The following PASD1 variants were observed in gnomAD, a reference collection of about 807,000 sequenced individuals.
The protein encoded by PASD1 is PAS domain containing repressor 1, also known as circadian clock protein PASD1.
In PASD1, 13 loss-of-function variants were observed where a neutral mutation model predicts 58.8. The ratio of observed to expected loss-of-function variants is 0.22; its 90% CI spans 0.14 to 0.35. PASD1 has a LOEUF of 0.35. Ranked by LOEUF, PASD1 falls within the 10% of genes least tolerant of loss-of-function variation. PASD1 has a pLI of 1.00. For missense variants in PASD1, 734 were observed against 568.3 expected, an observed-to-expected ratio of 1.29 and a Z score of -2.96; for synonymous variants, 236 against 216.7, an observed-to-expected ratio of 1.09 and a Z score of -0.78.
In PASD1 at chrX:151,621,479, T is replaced by C. The variant is rs1464254411; in HGVS notation, c.308-3T>C. 5 of 1,170,703 alleles carry C rather than the reference T, an allele frequency of 4.3e-6. No homozygotes were observed. Among genetic ancestry groups the C allele is most frequent in the Non-Finnish European group, 5.8e-6 (5 of 863,722 alleles). The stretch of plus-strand genomic sequence containing the variant: ...TGTTTTGTATTTCTTCTCTTTTTAC[T>C]AGAAACACATATTGAATTTTGCTGT... On this transcript the variant is annotated splice_polypyrimidine_tract_variant and splice_region_variant and intron_variant, in intron 5 of 15. Coordinates refer to ENST00000370357, the MANE Select transcript of PASD1 (RefSeq NM_173493.3).
chrX:151,643,136 T>A (rs1273825248), intron 8 of PASD1, among the ~76,000 whole-genome samples: 1 of 112,462 alleles, frequency 8.9e-6, no homozygotes, highest in Non-Finnish European at 1.9e-5. Context: ...TATATTTGGA[T>A]AATTTGACAG....
chrX:151,663,182 A>G (rs2014332378), intron 10 of PASD1, among the ~76,000 whole-genome samples: 1 of 111,600 alleles, frequency 9.0e-6, no homozygotes, highest in Middle Eastern at 4.2e-3. Flanking sequence ...CACCCCCAAA[A>G]TTCCTTTGTG....
chrX:151,646,828 A>G (rs1006626259), intron 8 of PASD1, among the ~76,000 whole-genome samples: 3 of 112,820 alleles, frequency 2.7e-5, no homozygotes, highest in African/African-American at 6.4e-5. Context: ...CATTAAGCAC[A>G]TAGTAATTGC....
At chrX:151,586,185 T>G (rs2013161396) in intron 1 of PASD1, among the ~76,000 whole-genome samples, 2 of 112,085 alleles carry the variant, frequency 1.8e-5, no homozygotes, top group South Asian at 7.5e-4. Context: ...TTAGGTGGTG[T>G]TGTCCAGAGA....
At chrX:151,647,532 TTTAA>T (rs1261755906) in intron 8 of PASD1, among the ~76,000 whole-genome samples, 2 of 109,170 alleles carry the variant, frequency 1.8e-5, no homozygotes, top group Non-Finnish European at 3.8e-5. Flanking sequence ...AATAAATATA[TTTAA>T]TTAAATATAT....
At chrX:151,616,201 C>T (rs1429328222) in intron 4 of PASD1, among the ~76,000 whole-genome samples, 1 of 111,538 alleles carries the variant, frequency 9.0e-6, no homozygotes, top group Non-Finnish European at 1.9e-5. Context: ...TTATCAGAAT[C>T]GCTTTGGCTG....
intron 11 of PASD1, among the ~76,000 whole-genome samples, chrX:151,666,987 T>A (rs1410740239): frequency 3.6e-5 from 4 of 109,676 alleles, no homozygotes; most frequent in African/African-American, 1.3e-4. Context: ...TTGAACTAGT[T>A]TACAGTCCCA....
Position 151,655,825 on chromosome X carries a change from G to C in PASD1, c.718-3888G>C, listed in dbSNP as rs372069461. ...AGGTTGCCTGTTCACTCTGACGGTA[G>C]TTTCTTTTGCTGTGCAGAAGCTCTT... is the stretch of plus-strand genomic sequence containing the variant. On this transcript the variant is annotated intron_variant, in intron 9 of 15. Coordinates refer to ENST00000370357, the MANE Select transcript of PASD1 (RefSeq NM_173493.3). 7.1e-5 allele frequency among the ~76,000 whole-genome samples: 8 copies of C among 112,018 alleles called. No individual in the cohort carries two copies. In the East Asian group the frequency reaches 1.7e-3, roughly 24 times the overall value.
At chrX:151,571,979 CTT>C (rs944088448) in intron 1 of PASD1, among the ~76,000 whole-genome samples, 2 of 110,973 alleles carry the variant, frequency 1.8e-5, no homozygotes, top group African/African-American at 6.6e-5. Flanking sequence ...TGCATCACCT[CTT>C]TTAAAATTAG....
chrX:151,595,750 CAT>C (rs778339003), intron 1 of PASD1, among the ~76,000 whole-genome samples: 136 of 110,387 alleles, frequency 1.2e-3, no homozygotes, highest in African/African-American at 4.0e-3. Flanking sequence ...AAACAAAAAA[CAT>C]GTGTGCAGAT....
At chrX:151,611,529 G>T in intron 3 of PASD1, 135 bp from the exon 4 acceptor site, 1 of 410,104 alleles carries the variant, frequency 2.4e-6, no homozygotes, top group South Asian at 5.1e-5. Context: ...AATTAAGTCT[G>T]TGCCTACTTT....
chrX:151,580,496 ATTTCTTTT>A (rs1218479274), intron 1 of PASD1, among the ~76,000 whole-genome samples: 1 of 81,903 alleles, frequency 1.2e-5, no homozygotes, highest in Non-Finnish European at 2.3e-5. Flanking sequence ...CCTTTACATC[ATTTCTTTT>A]TTTCTTTTTT....
chrX:151,629,117 TATTTTTA>T (rs1459351138), intron 8 of PASD1, among the ~76,000 whole-genome samples: 1 of 111,122 alleles, frequency 9.0e-6, no homozygotes, highest in African/African-American at 3.3e-5. Flanking sequence ...AGTCTCAGGA[TATTTTTA>T]TTTTTTATTT....
chrX:151,671,171 T>G lies in PASD1; in HGVS notation c.1205T>G (p.Leu402Trp). 1.7e-6 allele frequency: 2 copies of G among 1,211,291 alleles called. No homozygotes were observed. The highest frequency in any genetic ancestry group is 2.2e-6 in the Non-Finnish European group (2 of 895,355). The part of the protein sequence containing the change: ...HDAIQNQQNA[L>W]ELMMDHLQKQ... ...GCCATCCAAAACCAGCAGAATGCAT[T>G]GGAATTGATGATGGATCACCTTCAG... The change falls in exon 12 of 16, where the codon TTG becomes TGG. Residue 402 changes from leucine to tryptophan, a missense_variant. Physicochemically the swap from Leu to Trp is moderately conservative, Grantham distance 61. Transcript: ENST00000370357.
rs781525761 is a variant in PASD1 at position 151,667,245 on chromosome X, C to A, written c.1071+2897C>A. On this transcript the variant is annotated intron_variant, in intron 11 of 15. Coordinates refer to ENST00000370357, the MANE Select transcript of PASD1 (RefSeq NM_173493.3). ...GTTGATGGGGTTGTTTGTTTCTTGT[C>A]AATTTGTTTGAGTTCATTGTAGATT... 1.1e-4 allele frequency among the ~76,000 whole-genome samples: 12 copies of A among 111,376 alleles called. No homozygotes were observed. The East Asian group carries it at 2.3e-3, about 21-fold the overall frequency.
At chrX:151,594,646 A>G (rs1295684544) in intron 1 of PASD1, among the ~76,000 whole-genome samples, 1 of 112,131 alleles carries the variant, frequency 8.9e-6, no homozygotes, top group Non-Finnish European at 1.9e-5. Context: ...ACTTTAGAAT[A>G]TTTTGCTTTT....
At chrX:151,638,838 C>A (rs921559713) in intron 8 of PASD1, among the ~76,000 whole-genome samples, 2 of 111,277 alleles carry the variant, frequency 1.8e-5, no homozygotes, top group Non-Finnish European at 3.8e-5. Flanking sequence ...TATCTACGAT[C>A]TACTTTGAGT....
intron 9 of PASD1, among the ~76,000 whole-genome samples, chrX:151,651,357 C>G (rs2014126401): frequency 8.9e-6 from 1 of 112,110 alleles, no homozygotes; most frequent in Admixed American, 9.5e-5. Flanking sequence ...ACTAAACAGG[C>G]ATGTTTGGCA....
intron 8 of PASD1, among the ~76,000 whole-genome samples, chrX:151,632,147 A>T (rs1230513630): frequency 9.0e-6 from 1 of 110,753 alleles, no homozygotes. Context: ...TGAAAGGGGT[A>T]TAGGGAATGT....
Sources: gnomAD v4.1 joint callset for allele counts (sites outside exome capture counted in the v4.1 genomes callset) on GRCh38, gnomAD v4.1.1 for gene constraint, MANE v1.5 for transcripts, NCBI Gene and HGNC (gene_info 2026-07-23, HGNC 2026-07-21) for gene names.